The following NCOA3 variants were observed in gnomAD, a reference collection of about 807,000 sequenced individuals.
NCOA3 encodes the protein CBP-interacting protein.
NCOA3 carries 51 observed loss-of-function variants against 158.8 expected under a neutral mutation model. The ratio of observed to expected loss-of-function variants is 0.32; its 90% CI spans 0.26 to 0.41. The LOEUF (loss-of-function observed/expected upper bound fraction) is 0.41. NCOA3 is among the 10% of genes least tolerant of loss of function. The pLI is 1.00. For missense variants in NCOA3, 1,510 were observed against 1,746.6 expected (o/e 0.86, Z 2.41); for synonymous variants, 537 against 592.4 (o/e 0.91, Z 1.36).
intron 1 of NCOA3, among the ~76,000 whole-genome samples, chr20:47,567,871 A>T (rs989108635): frequency 2.0e-5 from 3 of 151,810 alleles, no homozygotes; most frequent in African/African-American, 7.3e-5. Flanking sequence ...GTGCCAGGCC[A>T]ATTATTTTAC....
chr20:47,625,271 G>C, intron 4 of NCOA3, 110 bp from the exon 5 acceptor site: 2 of 678,482 alleles, frequency 2.9e-6, no homozygotes, highest in Admixed American at 5.1e-5. Flanking sequence ...TTGTATGTAT[G>C]TATGGGCATG....
chr20:47,519,292 C>T (rs3091954), intron 1 of NCOA3, among the ~76,000 whole-genome samples: 23,475 of 151,840 alleles, frequency 0.15, 2,845 homozygotes, highest in African/African-American at 0.33. Context: ...AAAAGCCAGG[C>T]GTGGTGGCGT....
At chr20:47,648,066 G>A (rs1446772901) in intron 18 of NCOA3, among the ~76,000 whole-genome samples, 1 of 151,652 alleles carries the variant, frequency 6.6e-6, no homozygotes, top group Admixed American at 6.6e-5. Context: ...ACGCAAGCCC[G>A]GCTAGTTTTT....
At chr20:47,513,088 G>A (rs567796979) in intron 1 of NCOA3, among the ~76,000 whole-genome samples, 10 of 152,190 alleles carry the variant, frequency 6.6e-5, no homozygotes, top group Non-Finnish European at 1.3e-4. Flanking sequence ...GGCATGAGAA[G>A]AGCCCAGAAG....
intron 2 of NCOA3, among the ~76,000 whole-genome samples, chr20:47,601,018 G>T (rs1858032352): frequency 6.6e-6 from 1 of 152,086 alleles, no homozygotes; most frequent in South Asian, 2.1e-4. Context: ...CTGGTGTTCT[G>T]TTCTAGTGTT....
intron 2 of NCOA3, among the ~76,000 whole-genome samples, chr20:47,621,835 T>C (rs1247175806): frequency 6.6e-6 from 1 of 151,888 alleles, no homozygotes; most frequent in Non-Finnish European, 1.5e-5. Flanking sequence ...TTATTTTTAG[T>C]AGAGACGGGG....
intron 18 of NCOA3, 132 bp from the exon 19 acceptor site, chr20:47,648,873 A>T: frequency 1.7e-6 from 1 of 593,454 alleles, no homozygotes; most frequent in Non-Finnish European, 3.0e-6. Context: ...GTACTGGTTC[A>T]GTTTAGACGT....
chr20:47,635,805 A>G (rs1246121910), intron 11 of NCOA3, 86 bp from the exon 12 acceptor site: 2 of 1,491,566 alleles, frequency 1.3e-6, no homozygotes, highest in East Asian at 2.3e-5. Flanking sequence ...AATCTATTTT[A>G]TAATAGAAAC....
At chr20:47,613,496 GAA>G (rs11086218) in intron 2 of NCOA3, among the ~76,000 whole-genome samples, 19 of 129,468 alleles carry the variant, frequency 1.5e-4, no homozygotes, top group African/African-American at 2.5e-4. Context: ...GAATTAAATT[GAA>G]AAAAAAAAAA....
intron 16 of NCOA3, among the ~76,000 whole-genome samples, chr20:47,641,324 CTTTTTTTTTTTTT>C (rs34173277): frequency 2.1e-5 from 2 of 96,600 alleles, no homozygotes; most frequent in Non-Finnish European, 4.0e-5. Context: ...CTCAACATTT[CTTTTTTTTTTTTT>C]TTTTTTTTGA....
chr20:47,651,382 CTT>C (rs2086792742), intron 20 of NCOA3, 106 bp downstream of exon 20: 1 of 1,483,558 alleles, frequency 6.7e-7, no homozygotes, highest in East Asian at 2.3e-5. Context: ...TTCACTCCCT[CTT>C]TACTTCACAA....
chr20:47,647,404 C>G (rs761177687), intron 18 of NCOA3, 38 bp downstream of exon 18: 1 of 1,582,056 alleles, frequency 6.3e-7, no homozygotes, highest in South Asian at 1.2e-5. Flanking sequence ...GCTTCTCCTT[C>G]TGTTGTTTTC....
chr20:47,523,702 T>C (rs2084381702), intron 1 of NCOA3, among the ~76,000 whole-genome samples: 1 of 152,204 alleles, frequency 6.6e-6, no homozygotes, highest in African/African-American at 2.4e-5. Context: ...CATGTTTCGT[T>C]TAAAACTGCT....
chr20:47,536,008 T>C (rs1490566024), intron 1 of NCOA3, among the ~76,000 whole-genome samples: 2 of 152,170 alleles, frequency 1.3e-5, no homozygotes, highest in Non-Finnish European at 2.9e-5. Context: ...CAGTGTGCTG[T>C]TCTGCTCCTC....
At chr20:47,649,143 C>G in intron 19 of NCOA3, 34 bp downstream of exon 19, 1 of 1,425,456 alleles carries the variant, frequency 7.0e-7, no homozygotes, top group African/African-American at 1.4e-5. Context: ...ATGCATTGCT[C>G]TGTGCTCAGG....
chr20:47,502,406 C>A (rs1205597403), intron 1 of NCOA3, among the ~76,000 whole-genome samples: 1 of 152,184 alleles, frequency 6.6e-6, no homozygotes, highest in Non-Finnish European at 1.5e-5. Flanking sequence ...CCCGCGTCGT[C>A]CTCCTGCTGC....
At chr20:47,568,463 C>CA (rs2085235081) in intron 1 of NCOA3, among the ~76,000 whole-genome samples, 1 of 152,126 alleles carries the variant, frequency 6.6e-6, no homozygotes, top group African/African-American at 2.4e-5. Context: ...GTTAAGTGTG[C>CA]AGTAGCATTA....
intron 1 of NCOA3, among the ~76,000 whole-genome samples, chr20:47,562,530 C>G (rs532888822): frequency 6.6e-6 from 1 of 150,962 alleles, no homozygotes; most frequent in East Asian, 1.9e-4. Flanking sequence ...ATCTGTCCAT[C>G]TGTCTTGATT....
chr20:47,597,549 T>TG (rs1296857696), intron 2 of NCOA3, among the ~76,000 whole-genome samples: 1 of 149,902 alleles, frequency 6.7e-6, no homozygotes, highest in Non-Finnish European at 1.5e-5. Flanking sequence ...AGTGCAGTGG[T>TG]GCGATCTCGG....
Sources: gnomAD v4.1 joint callset for allele counts (sites outside exome capture counted in the v4.1 genomes callset) on GRCh38, gnomAD v4.1.1 for gene constraint, MANE v1.5 for transcripts, NCBI Gene and HGNC (gene_info 2026-07-23, HGNC 2026-07-21) for gene names.